Variants in CCSER1 observed in about 807,000 individuals in gnomAD.
CCSER1 encodes serine-rich coiled-coil domain-containing protein 1.
A neutral mutation model predicts 82.0 loss-of-function variants in CCSER1; 41 were observed. The ratio of observed to expected loss-of-function variants is 0.50; its 90% CI spans 0.39 to 0.65. The LOEUF (loss-of-function observed/expected upper bound fraction) is 0.65. CCSER1 is among the 30% of genes least tolerant of loss of function. The pLI, the probability that CCSER1 is intolerant of heterozygous loss-of-function variation, is 0.00. For synonymous variants in CCSER1, 414 were observed against 383.9 expected, an observed-to-expected ratio of 1.08 and a Z score of -0.92; for missense variants, 1,119 against 1,064.2, an observed-to-expected ratio of 1.05 and a Z score of -0.72.
chr4:90,998,044 C>T (rs940557318), intron 9 of CCSER1, among the ~76,000 whole-genome samples: 1 of 151,922 alleles, frequency 6.6e-6, no homozygotes, highest in Non-Finnish European at 1.5e-5. Context: ...TTTAATTTTC[C>T]ATTGAAAACT....
chr4:90,510,888 A>G (rs563234373), intron 5 of CCSER1, among the ~76,000 whole-genome samples: 3 of 152,314 alleles, frequency 2.0e-5, no homozygotes, highest in South Asian at 4.1e-4. Flanking sequence ...CAGACCTCCG[A>G]TGACCACATG....
At chr4:91,048,614 A>G (rs1298451564) in intron 9 of CCSER1, among the ~76,000 whole-genome samples, 3 of 152,150 alleles carry the variant, frequency 2.0e-5, no homozygotes, top group Non-Finnish European at 4.4e-5. Context: ...TACAATGTAC[A>G]TTATTTAATA....
At chr4:91,018,724 G>T (rs140220938) in intron 9 of CCSER1, among the ~76,000 whole-genome samples, 1 of 151,840 alleles carries the variant, frequency 6.6e-6, no homozygotes, top group African/African-American at 2.4e-5. Flanking sequence ...CCTTTCTCAT[G>T]CTGAACCCCC....
intron 5 of CCSER1, among the ~76,000 whole-genome samples, chr4:90,534,025 C>T (rs144349113): frequency 4.6e-5 from 7 of 152,286 alleles, no homozygotes; most frequent in Non-Finnish European, 1.0e-4. Flanking sequence ...ACCAGGTCTT[C>T]GAGTTGATTG....
rs538752667 is a variant in CCSER1, at chr4:91,190,147, G to A, written c.2217+104153G>A. Reference sequence around the variant, plus strand: ...ATCCTCTTCCTGCCCATTGGTTCATGTAGAACATGTTTCCCTCACCAGGAT... The same window carrying A: ...ATCCTCTTCCTGCCCATTGGTTCATATAGAACATGTTTCCCTCACCAGGAT... On this transcript the variant is annotated intron_variant, in intron 10 of 10. Transcript: ENST00000509176. 2.0e-5 allele frequency among the ~76,000 whole-genome samples: 3 copies of A among 152,284 alleles called. No homozygotes were observed. In the South Asian group the frequency reaches 6.2e-4, roughly 32 times the overall value.
intron 5 of CCSER1, among the ~76,000 whole-genome samples, chr4:90,503,723 C>T (rs1770275564): frequency 6.6e-6 from 1 of 152,068 alleles, no homozygotes; most frequent in African/African-American, 2.4e-5. Flanking sequence ...TCATCCATGT[C>T]CCTACAAAGG....
rs1009312716 is a variant in CCSER1 at position 91,599,491 on chromosome 4, ATAAT to A, written c.*439_*442del. The A allele has an allele frequency of 1.3e-5, 2 of 152,322 alleles. No homozygotes were observed. The highest frequency in any genetic ancestry group is 4.8e-5 in the African/African-American group (2 of 41,450). 9.4% of individuals were successfully genotyped at this position (152,322 alleles called of 1,614,324 possible). On this transcript the variant is annotated 3_prime_UTR_variant, in exon 11 of 11. Transcript: ENST00000509176. ...GGAATTATAAAGAATTTTAAATTAT[ATAAT>A]TAATAGAAGGAGGAAAAAAGAGAAA...
chr4:91,305,401 A>C (rs2149245316), intron 10 of CCSER1, among the ~76,000 whole-genome samples: 1 of 152,204 alleles, frequency 6.6e-6, no homozygotes, highest in South Asian at 2.1e-4. Flanking sequence ...AAGGTGCAGA[A>C]ATTTTTTTTA....
chr4:90,516,069 T>C (rs889984948), intron 5 of CCSER1, among the ~76,000 whole-genome samples: 2 of 152,150 alleles, frequency 1.3e-5, no homozygotes, highest in Non-Finnish European at 2.9e-5. Context: ...ATATTGTAAG[T>C]ACTAAGAACA....
intron 5 of CCSER1, among the ~76,000 whole-genome samples, chr4:90,509,997 T>C (rs934544383): frequency 1.3e-5 from 2 of 152,198 alleles, no homozygotes; most frequent in Non-Finnish European, 2.9e-5. Flanking sequence ...TAATGCCCTA[T>C]ATCTGTAGTA....
intron 10 of CCSER1, among the ~76,000 whole-genome samples, chr4:91,253,091 A>C (rs895194490): frequency 6.6e-6 from 1 of 151,856 alleles, no homozygotes; most frequent in African/African-American, 2.4e-5. Flanking sequence ...GTTCACTTAC[A>C]TGCAGATTTT....
intron 3 of CCSER1, among the ~76,000 whole-genome samples, chr4:90,351,770 T>A (rs1035486142): frequency 7.2e-5 from 11 of 152,190 alleles, no homozygotes; most frequent in Admixed American, 3.3e-4. Context: ...ATAAAATTTT[T>A]TGTTTTTTGT....
intron 10 of CCSER1, among the ~76,000 whole-genome samples, chr4:91,089,293 A>G (rs1723700633): frequency 6.6e-6 from 1 of 152,184 alleles, no homozygotes; most frequent in African/African-American, 2.4e-5. Flanking sequence ...GAATCTGTGG[A>G]TAATATCGGT....
intron 9 of CCSER1, among the ~76,000 whole-genome samples, chr4:90,954,506 C>T (rs186743887): frequency 6.6e-6 from 1 of 152,100 alleles, no homozygotes; most frequent in Admixed American, 6.6e-5. Flanking sequence ...TGAAGGAATT[C>T]TTAACATAGT....
At chr4:90,612,819 C>G (rs929078859) in intron 5 of CCSER1, among the ~76,000 whole-genome samples, 1 of 152,066 alleles carries the variant, frequency 6.6e-6, no homozygotes, top group East Asian at 1.9e-4. Context: ...AATGTTATAC[C>G]AGTCTCTTAT....
chr4:90,417,748 C>T (rs1486645177), intron 4 of CCSER1, among the ~76,000 whole-genome samples: 2 of 152,020 alleles, frequency 1.3e-5, no homozygotes, highest in African/African-American at 4.8e-5. Context: ...TTAGGAACTC[C>T]TCCTGTGCCT....
intron 9 of CCSER1, among the ~76,000 whole-genome samples, chr4:91,042,790 A>G (rs1030082110): frequency 6.6e-6 from 1 of 152,182 alleles, no homozygotes; most frequent in Non-Finnish European, 1.5e-5. Context: ...GGGGGGAAAA[A>G]GTACGTGAAA....
chr4:91,418,757 A>T (rs1753525243), intron 10 of CCSER1, among the ~76,000 whole-genome samples: 1 of 152,046 alleles, frequency 6.6e-6, no homozygotes, highest in Non-Finnish European at 1.5e-5. Context: ...TCAAGTATTA[A>T]AGACAAAAGC....
chr4:91,179,763 G>A (rs1044114399), intron 10 of CCSER1, among the ~76,000 whole-genome samples: 14 of 152,254 alleles, frequency 9.2e-5, no homozygotes, highest in African/African-American at 2.4e-4. Flanking sequence ...CCTTTAGCAC[G>A]GAGAAGTTTG....
Sources: gnomAD v4.1 joint callset for allele counts (sites outside exome capture counted in the v4.1 genomes callset) on GRCh38, gnomAD v4.1.1 for gene constraint, MANE v1.5 for transcripts, NCBI Gene and HGNC (gene_info 2026-07-23, HGNC 2026-07-21) for gene names.